The following CSTF2 variants were observed in gnomAD, a reference collection of about 807,000 sequenced individuals.
The protein encoded by CSTF2 is CF-1 64 kDa subunit.
In CSTF2, 8 loss-of-function variants were observed where a neutral mutation model predicts 45.4. The observed-to-expected ratio is 0.18, with a 90% confidence interval of 0.10 to 0.32. The LOEUF (loss-of-function observed/expected upper bound fraction) is 0.32, where lower values mean the gene tolerates loss of function less well. Among genes scored for constraint, CSTF2 ranks in the 10% least tolerant of loss-of-function variants. The pLI is 1.00. For synonymous variants in CSTF2, 155 were observed against 158.9 expected (o/e 0.98, Z 0.18); for missense variants, 253 against 477.1 (o/e 0.53, Z 4.38).
Position 100,833,477 on chromosome X carries a change from G to A in CSTF2, c.1500+5G>A. 1 of 1,193,854 alleles carries A rather than the reference G, an allele frequency of 8.4e-7. No individual in the cohort carries two copies. Among genetic ancestry groups the A allele is most frequent in the East Asian group, 3.0e-5 (1 of 33,490 alleles). On this transcript the variant is annotated splice_donor_5th_base_variant and intron_variant, in intron 11 of 13. Transcript: ENST00000372972. The stretch of plus-strand genomic sequence containing the variant: ...GTCCCCCAGGGATCCAGACAGGTAT[G>A]TGTAACACTGACTTCTGGCATCCAA...
intron 5 of CSTF2, 53 bp from the exon 6 acceptor site, chrX:100,824,067 C>T: frequency 2.5e-6 from 3 of 1,207,208 alleles, no homozygotes; most frequent in East Asian, 3.0e-5. Flanking sequence ...ATAGGAACTA[C>T]CTGATTGCTT....
intron 13 of CSTF2, among the ~76,000 whole-genome samples, chrX:100,840,459 C>T (rs1183089933): frequency 9.0e-6 from 1 of 111,538 alleles, no homozygotes; most frequent in Non-Finnish European, 1.9e-5. Flanking sequence ...GATGGTCCCC[C>T]TCACCCACTT....
chrX:100,825,514 A>G (rs1198418280), intron 6 of CSTF2, among the ~76,000 whole-genome samples: 1 of 112,009 alleles, frequency 8.9e-6, no homozygotes, highest in Non-Finnish European at 1.9e-5. Flanking sequence ...AGAAACTACA[A>G]TAAGCTACCA....
At chrX:100,824,376 C>T in intron 6 of CSTF2, 119 bp downstream of exon 6, 1 of 812,854 alleles carries the variant, frequency 1.2e-6, no homozygotes, top group East Asian at 3.6e-5. Flanking sequence ...AATTTCCAGG[C>T]ATAAAAGCAA....
intron 11 of CSTF2, among the ~76,000 whole-genome samples, chrX:100,834,308 C>A (rs2084994989): frequency 9.0e-6 from 1 of 111,447 alleles, no homozygotes. Context: ...AAGATAATGG[C>A]AGAGCTGGAA....
At chrX:100,824,789 A>C (rs1275041634) in intron 6 of CSTF2, among the ~76,000 whole-genome samples, 1 of 112,862 alleles carries the variant, frequency 8.9e-6, no homozygotes, top group African/African-American at 3.2e-5. Context: ...TAAAGAGCCC[A>C]TAGTCATTCA....
At chrX:100,831,927 C>A (rs958972287) in intron 9 of CSTF2, among the ~76,000 whole-genome samples, 1 of 112,111 alleles carries the variant, frequency 8.9e-6, no homozygotes, top group African/African-American at 3.2e-5. Flanking sequence ...TTAATAATAG[C>A]AATAATAGGC....
chrX:100,832,073 C>T (rs759745199), intron 9 of CSTF2, among the ~76,000 whole-genome samples: 7 of 110,543 alleles, frequency 6.3e-5, no homozygotes, highest in South Asian at 3.9e-4. Flanking sequence ...AAAAATTAGC[C>T]GGGCGTGGTG....
intron 6 of CSTF2, 41 bp from the exon 7 acceptor site, chrX:100,826,593 C>A: frequency 1.7e-6 from 2 of 1,184,803 alleles, no homozygotes; most frequent in Non-Finnish European, 2.3e-6. Flanking sequence ...ATTGAGTATC[C>A]ACAGAGGCAT....
In CSTF2 at chrX:100,822,336, C is replaced by A. The variant is rs746997587; in HGVS notation, c.223C>A (p.Arg75=). 3 of 1,209,972 alleles carry A rather than the reference C, an allele frequency of 2.5e-6. No individual in the cohort carries two copies. Among genetic ancestry groups the A allele is most frequent in the South Asian group, 1.8e-5 (1 of 56,908 alleles). ...QDQETALSAM[R]NLNGREFSGR... ...CCAAGAGACAGCACTTAGTGCCATG[C>A]GGAACCTGAATGGGCGCGAATTCAG... The change falls in exon 3 of 14, where the codon CGG becomes AGG. Residue 75 remains arginine, a synonymous_variant. Transcript: ENST00000372972.
Position 100,840,872 on chromosome X carries a change from TC to T in CSTF2, c.*163del, listed in dbSNP as rs2147896691. 1 of 112,361 alleles carries T rather than the reference TC, an allele frequency of 8.9e-6. No individual in the cohort carries two copies. The highest frequency in any genetic ancestry group is 1.9e-5 in the Non-Finnish European group (1 of 53,276). The allele number at this position is 112,361 out of a possible 1,213,427, so 9.3% of individuals were successfully genotyped here. A position where few individuals can be genotyped will look rare whatever the true frequency, so the allele number is the denominator to read the frequency against. On this transcript the variant is annotated 3_prime_UTR_variant, in exon 14 of 14. Transcript: ENST00000372972. ...AGAACAAAATCACTTCATTTTATTG[TC>T]TTAGTTTGTATATTTTCTGTGACTT...
At chrX:100,828,796 T>A (rs1185685300) in intron 8 of CSTF2, among the ~76,000 whole-genome samples, 2 of 112,502 alleles carry the variant, frequency 1.8e-5, no homozygotes, top group African/African-American at 6.5e-5. Flanking sequence ...GAGTGCATAC[T>A]ATATGCCAGG....
Position 100,833,301 on chromosome X carries a change from T to C in CSTF2, c.1329T>C (p.Arg443=). The part of the protein sequence containing the change: ...RAMEARAMEA[R]AMEARAMEAR... ...TGGAGGCCCGTGCGATGGAAGCTCG[T>C]GCAATGGAGGCCCGAGCGATGGAGG... Residue 443 remains arginine, a synonymous_variant, in exon 11 of 14, where the codon CGT becomes CGC. Coordinates refer to ENST00000372972, the MANE Select transcript of CSTF2 (RefSeq NM_001325.3). 1 of 1,207,244 alleles carries C rather than the reference T, an allele frequency of 8.3e-7. No individual in the cohort carries two copies. The highest frequency in any genetic ancestry group is 1.8e-5 in the South Asian group (1 of 56,431).
At chrX:100,832,694 T>C (rs2084983135) in intron 9 of CSTF2, 40 bp from the exon 10 acceptor site, 1 of 1,146,355 alleles carries the variant, frequency 8.7e-7, no homozygotes, top group Middle Eastern at 2.4e-4. Flanking sequence ...TGTTGTTGTT[T>C]TGTTCTATTT....
At chrX:100,827,960 T>C in intron 7 of CSTF2, 80 bp from the exon 8 acceptor site, 2 of 833,558 alleles carry the variant, frequency 2.4e-6, no homozygotes, top group Non-Finnish European at 3.5e-6. Flanking sequence ...TGAGGAAATT[T>C]GTAAACTCAG....
In CSTF2 at chrX:100,820,641, C is replaced by G. The variant is rs1161377620; in HGVS notation, c.58+167C>G. 4 of 554,841 alleles carry G rather than the reference C, an allele frequency of 7.2e-6. No homozygotes were observed. In the East Asian group the frequency reaches 1.4e-4, roughly 20 times the overall value. 45.7% of individuals were successfully genotyped at this position (554,841 alleles called of 1,213,427 possible). A position where few individuals can be genotyped will look rare whatever the true frequency, so the allele number is the denominator to read the frequency against. On this transcript the variant is annotated intron_variant, in intron 1 of 13. Coordinates refer to ENST00000372972, the MANE Select transcript of CSTF2 (RefSeq NM_001325.3). ...TCATGAGCAAAGAGATATTCCCATT[C>G]TGCCGAGGTCTCGTAGGCTTTCCGC...
chrX:100,833,388 T>C lies in CSTF2; in HGVS notation c.1416T>C (p.Pro472=). 8.3e-7 allele frequency: 1 copy of C among 1,209,182 alleles called. No individual in the cohort carries two copies. The highest frequency in any genetic ancestry group is 1.1e-6 in the Non-Finnish European group (1 of 894,183). The change falls in exon 11 of 14, where the codon CCT becomes CCC. Residue 472 remains proline (P), a synonymous_variant. Transcript: ENST00000372972. ...GCATGGATACCAGAGGCCCAGTGCC[T>C]GGCCCCAGAGGACCTATACCTAGTG... ...ARGMDTRGPV[P]GPRGPIPSGM...
At chrX:100,835,604 A>C (rs1044537628) in intron 11 of CSTF2, among the ~76,000 whole-genome samples, 20 of 108,477 alleles carry the variant, frequency 1.8e-4, no homozygotes, top group Non-Finnish European at 3.4e-4. Context: ...ATTAGATTTT[A>C]AAATTAACTC....
chrX:100,823,839 A>T, intron 4 of CSTF2, 47 bp from the exon 5 acceptor site: 1 of 1,170,584 alleles, frequency 8.5e-7, no homozygotes, highest in Non-Finnish European at 1.2e-6. Context: ...AATCACTATC[A>T]GTTTCTAAGT....
Sources: allele counts gnomAD v4.1 joint callset (sites outside exome capture counted in the v4.1 genomes callset), GRCh38; gene constraint gnomAD v4.1.1; transcripts MANE v1.5; gene names NCBI Gene and HGNC (gene_info 2026-07-23, HGNC 2026-07-21).